Variants in TFPI observed in about 807,000 individuals in gnomAD.
TFPI encodes the protein anti-convertin.
A neutral mutation model predicts 34.6 loss-of-function variants in TFPI; 15 were observed. That is an observed-to-expected ratio of 0.43 (90% CI 0.29 to 0.67). The LOEUF is 0.67. Ranked by LOEUF, TFPI falls within the 30% of genes least tolerant of loss-of-function variation. The probability of loss-of-function intolerance (pLI) is 0.15; values close to 1 mark genes in which losing one functional copy is unlikely to be tolerated. For missense variants in TFPI, 301 were observed against 364.0 expected (o/e 0.83, Z 1.41); for synonymous variants, 105 against 120.1 (o/e 0.87, Z 0.82).
chr2:187,495,375 T>G (rs1685405182), intron 3 of TFPI, among the ~76,000 whole-genome samples: 1 of 152,142 alleles, frequency 6.6e-6, no homozygotes, highest in African/African-American at 2.4e-5. Context: ...AAAAGGATAC[T>G]TGGCCCAATA....
At chr2:187,488,674 A>G (rs1178730089) in intron 3 of TFPI, among the ~76,000 whole-genome samples, 1 of 151,544 alleles carries the variant, frequency 6.6e-6, no homozygotes, top group African/African-American at 2.4e-5. Flanking sequence ...CAGGATATCT[A>G]TACTTAAAAC....
chr2:187,480,654 A>G (rs1692786617), intron 6 of TFPI, among the ~76,000 whole-genome samples: 1 of 152,148 alleles, frequency 6.6e-6, no homozygotes, highest in South Asian at 2.1e-4. Flanking sequence ...ATTTAGGGAA[A>G]TTGCTTTAGA....
At chr2:187,506,603 G>A (rs970696628) in intron 1 of TFPI, among the ~76,000 whole-genome samples, 5 of 152,090 alleles carry the variant, frequency 3.3e-5, no homozygotes, top group African/African-American at 1.2e-4. Context: ...GGCTGTGACA[G>A]TTTCTCAGAT....
intron 1 of TFPI, among the ~76,000 whole-genome samples, chr2:187,533,080 T>G (rs1688055028): frequency 6.6e-6 from 1 of 152,102 alleles, no homozygotes; most frequent in Non-Finnish European, 1.5e-5. Context: ...GGCTTATAGA[T>G]CAAACTCCCA....
chr2:187,523,882 A>G (rs1050338049), intron 1 of TFPI, among the ~76,000 whole-genome samples: 1 of 151,986 alleles, frequency 6.6e-6, no homozygotes, highest in Non-Finnish European at 1.5e-5. Context: ...GAAATTCTCC[A>G]CCCTTTAGGC....
intron 2 of TFPI, among the ~76,000 whole-genome samples, chr2:187,500,913 C>T (rs1003421375): frequency 7.9e-5 from 12 of 152,154 alleles, no homozygotes; most frequent in Admixed American, 7.9e-4. Flanking sequence ...ATGCGTCAAG[C>T]ACTGTGCTGT....
chr2:187,553,646 C>T (rs1395229934), intron 1 of TFPI, among the ~76,000 whole-genome samples: 2 of 151,944 alleles, frequency 1.3e-5, no homozygotes, highest in African/African-American at 4.8e-5. Flanking sequence ...AGAATATGAC[C>T]TTTGGTCTTT....
intron 1 of TFPI, among the ~76,000 whole-genome samples, chr2:187,528,900 ATG>A (rs1687815700): frequency 6.6e-6 from 1 of 151,988 alleles, no homozygotes; most frequent in South Asian, 2.1e-4. Context: ...TTTAACACTG[ATG>A]TATAGATTGA....
rs1380966704 is a variant in TFPI, at chr2:187,464,398, A to C, written c.*2538T>G. 2 of 152,202 alleles carry C rather than the reference A, an allele frequency of 1.3e-5. No individual in the cohort carries two copies. The highest frequency in any genetic ancestry group is 2.9e-5 in the Non-Finnish European group (2 of 68,030). The allele number at this position is 152,202 out of a possible 1,614,324, so 9.4% of individuals were successfully genotyped here. ...CCATATACAATTCACAGTTAGATGC[A>C]CTTAATTGTGGAAAATAAAGGAAGA... On this transcript the variant is annotated 3_prime_UTR_variant, in exon 8 of 8. Transcript: ENST00000233156.
At chr2:187,471,468 A>AT (rs1282610761) in intron 6 of TFPI, among the ~76,000 whole-genome samples, 1 of 152,106 alleles carries the variant, frequency 6.6e-6, no homozygotes, top group Non-Finnish European at 1.5e-5. Flanking sequence ...GCGAAATGTA[A>AT]TTTTTTTAGT....
At chr2:187,523,015 A>G (rs1238979003) in intron 1 of TFPI, among the ~76,000 whole-genome samples, 1 of 152,044 alleles carries the variant, frequency 6.6e-6, no homozygotes, top group Non-Finnish European at 1.5e-5. Context: ...ATTTATTTGC[A>G]TATGTACAAA....
chr2:187,505,863 A>C (rs1686176328), intron 1 of TFPI, among the ~76,000 whole-genome samples: 1 of 152,138 alleles, frequency 6.6e-6, no homozygotes, highest in South Asian at 2.1e-4. Context: ...GGAAACGGAC[A>C]AGTGTAACTC....
At chr2:187,493,723 G>A (rs8176467) in intron 3 of TFPI, among the ~76,000 whole-genome samples, 15 of 152,002 alleles carry the variant, frequency 9.9e-5, no homozygotes, top group African/African-American at 2.2e-4. Context: ...AACATTCCAC[G>A]AATCTCTAGG....
intron 1 of TFPI, chr2:187,519,926 C>T (rs1453082064): frequency 6.6e-6 from 1 of 152,240 alleles, no homozygotes; most frequent in African/African-American, 2.4e-5. Context: ...TTGGAACTTC[C>T]CTGGGGCTTT....
chr2:187,524,810 T>G (rs1687594537), intron 1 of TFPI, among the ~76,000 whole-genome samples: 1 of 152,098 alleles, frequency 6.6e-6, no homozygotes, highest in Admixed American at 6.5e-5. Context: ...TGACATAGAT[T>G]TAACATTTTT....
In TFPI at chr2:187,522,732, A is replaced by C. The variant is rs867910025; in HGVS notation, c.-2-18962T>G. 7.6e-3 allele frequency among the ~76,000 whole-genome samples: 1,123 copies of C among 148,348 alleles called. 6 individuals carry two copies. The highest frequency in any genetic ancestry group is 0.011 in the African/African-American group (430 of 40,346). ...CCCCGTCTCTACTAAAAATACAAAA[A>C]AAAAAAAAAAAACCCAGGCACGGTG... On this transcript the variant is annotated intron_variant, in intron 1 of 7. Coordinates refer to ENST00000233156, the MANE Select transcript of TFPI (RefSeq NM_006287.6).
intron 3 of TFPI, among the ~76,000 whole-genome samples, chr2:187,490,629 C>T (rs1301679412): frequency 1.3e-5 from 2 of 151,634 alleles, no homozygotes; most frequent in Non-Finnish European, 3.0e-5. Flanking sequence ...TTCCTATAGA[C>T]AACATGTAGT....
intron 3 of TFPI, among the ~76,000 whole-genome samples, chr2:187,496,080 A>G (rs1439759958): frequency 6.6e-6 from 1 of 152,168 alleles, no homozygotes; most frequent in African/African-American, 2.4e-5. Flanking sequence ...TAAAAGTTTA[A>G]TATAATATGA....
At chr2:187,534,015 G>GA (rs1196650348) in intron 1 of TFPI, among the ~76,000 whole-genome samples, 2 of 151,248 alleles carry the variant, frequency 1.3e-5, no homozygotes, top group African/African-American at 4.9e-5. Flanking sequence ...CAAGATTAGA[G>GA]AAAAAAAAGA....
Sources: allele counts gnomAD v4.1 joint callset (sites outside exome capture counted in the v4.1 genomes callset), GRCh38; gene constraint gnomAD v4.1.1; transcripts MANE v1.5; gene names NCBI Gene and HGNC (gene_info 2026-07-23, HGNC 2026-07-21).